Variants in RPSA2 observed in about 807,000 individuals in gnomAD.
RPSA2 encodes the protein ribosomal protein SA 2.
the RPSA2 span, among the ~76,000 whole-genome samples, chr19:23,821,620 C>G: frequency 6.6e-6 from 1 of 152,190 alleles, no homozygotes; most frequent in African/African-American, 2.4e-5. Flanking sequence ...GCATCTGGCT[C>G]CCTCAGGGTG....
chr19:23,800,160 C>A, the RPSA2 span, among the ~76,000 whole-genome samples: 1 of 151,476 alleles, frequency 6.6e-6, no homozygotes, highest in Non-Finnish European at 1.5e-5. Context: ...TCCCAAGTAG[C>A]TGGGATTACA....
At chr19:23,827,214 T>C in the RPSA2 span, 1 of 940,056 alleles carries the variant, frequency 1.1e-6, no homozygotes, top group South Asian at 1.4e-5. Flanking sequence ...GTCCTTAAGT[T>C]CCTTGCAGCA....
chr19:23,766,221 C>T, the RPSA2 span, among the ~76,000 whole-genome samples: 1 of 134,030 alleles, frequency 7.5e-6, no homozygotes. Context: ...GGTGCAGTCT[C>T]GGCTCACTAC....
the RPSA2 span, among the ~76,000 whole-genome samples, chr19:23,792,295 C>G: frequency 6.6e-6 from 1 of 152,116 alleles, no homozygotes; most frequent in Non-Finnish European, 1.5e-5. Context: ...TTATTAAGGC[C>G]CAGTTCCTTT....
chr19:23,844,048 C>A, the RPSA2 span, among the ~76,000 whole-genome samples: 2 of 152,114 alleles, frequency 1.3e-5, no homozygotes, highest in African/African-American at 4.8e-5. Context: ...TGTGAACCAC[C>A]GCACCTGGCC....
chr19:23,814,357 T>C, the RPSA2 span, among the ~76,000 whole-genome samples: 1 of 152,318 alleles, frequency 6.6e-6, no homozygotes, highest in African/African-American at 2.4e-5. Flanking sequence ...TTTAAAATTA[T>C]CTTTTTTCTA....
the RPSA2 span, among the ~76,000 whole-genome samples, chr19:23,792,601 T>TC: frequency 2.6e-5 from 4 of 151,024 alleles, no homozygotes; most frequent in Non-Finnish European, 5.9e-5. Context: ...GTTTTTTTTT[T>TC]TGTGACAGAG....
the RPSA2 span, chr19:23,824,028 A>G: frequency 1.3e-5 from 2 of 152,324 alleles, no homozygotes; most frequent in East Asian, 3.9e-4. Flanking sequence ...ATTAAGGTGC[A>G]CACTGGCTCA....
the RPSA2 span, among the ~76,000 whole-genome samples, chr19:23,798,634 G>T: frequency 0.063 from 9,485 of 151,702 alleles, 319 homozygotes; most frequent in African/African-American, 0.071. Flanking sequence ...ATTATGACTA[G>T]TATGTTAAAA....
At chr19:23,843,286 A>G in the RPSA2 span, 5 of 179,742 alleles carry the variant, frequency 2.8e-5, no homozygotes, top group East Asian at 7.4e-4. Flanking sequence ...GCACGTAAGC[A>G]TGAATGAAGC....
chr19:23,760,560 C>G, the RPSA2 span, among the ~76,000 whole-genome samples: 1 of 151,856 alleles, frequency 6.6e-6, no homozygotes, highest in South Asian at 2.1e-4. Flanking sequence ...GAAACCAAAT[C>G]TCACCGAGCT....
At chr19:23,819,320 C>T in the RPSA2 span, 1 of 152,320 alleles carries the variant, frequency 6.6e-6, no homozygotes. Flanking sequence ...TTGTAGTCTT[C>T]ATTGGCACCT....
At chr19:23,766,738 G>A in the RPSA2 span, among the ~76,000 whole-genome samples, 9 of 145,956 alleles carry the variant, frequency 6.2e-5, no homozygotes, top group Non-Finnish European at 1.3e-4. Flanking sequence ...ACAGGCCTGA[G>A]CCACCGTGCC....
At chr19:23,767,550 A>T in the RPSA2 span, among the ~76,000 whole-genome samples, 4 of 152,238 alleles carry the variant, frequency 2.6e-5, no homozygotes, top group East Asian at 7.7e-4. Context: ...CCTGCAAGCA[A>T]AATGTACCTG....
chr19:23,832,196 G>T, the RPSA2 span: 1 of 426,910 alleles, frequency 2.3e-6, no homozygotes, highest in South Asian at 1.9e-5. Context: ...AGATATAAGA[G>T]GATGCACAGA....
the RPSA2 span, among the ~76,000 whole-genome samples, chr19:23,776,268 C>T: frequency 6.6e-6 from 1 of 152,122 alleles, no homozygotes; most frequent in Non-Finnish European, 1.5e-5. Flanking sequence ...ACAGATGAAT[C>T]GTGACATATC....
At chr19:23,860,985 C>T in the RPSA2 span, among the ~76,000 whole-genome samples, 1 of 148,288 alleles carries the variant, frequency 6.7e-6, no homozygotes, top group Admixed American at 6.9e-5. Context: ...CTTCCTCTCA[C>T]TGTCCTCCAG....
the RPSA2 span, among the ~76,000 whole-genome samples, chr19:23,867,647 A>G: frequency 6.6e-6 from 1 of 152,026 alleles, no homozygotes; most frequent in Non-Finnish European, 1.5e-5. Context: ...TGGCTAACAC[A>G]GTGAAACCCC....
the RPSA2 span, among the ~76,000 whole-genome samples, chr19:23,779,538 T>C: frequency 1.3e-5 from 2 of 152,150 alleles, no homozygotes; most frequent in African/African-American, 4.8e-5. Context: ...TTATTTTTGC[T>C]AATCACCTAA....
Sources: gnomAD v4.1 joint callset for allele counts (sites outside exome capture counted in the v4.1 genomes callset) on GRCh38, gnomAD v4.1.1 for gene constraint, MANE v1.5 for transcripts, NCBI Gene and HGNC (gene_info 2026-07-23, HGNC 2026-07-21) for gene names.